Variants in TRIO observed in about 807,000 individuals in gnomAD.
TRIO encodes the protein trio Rho guanine nucleotide exchange factor, also known as triple functional domain protein.
TRIO carries 58 observed loss-of-function variants against 351.9 expected under a neutral mutation model. The ratio of observed to expected loss-of-function variants is 0.16; its 90% CI spans 0.13 to 0.21. The LOEUF is 0.21. Ranked by LOEUF, TRIO falls within the 10% of genes least tolerant of loss-of-function variation. The probability of loss-of-function intolerance (pLI) is 1.00; values close to 1 mark genes in which losing one functional copy is unlikely to be tolerated. For missense variants in TRIO, 3,201 were observed against 4,027.8 expected, an observed-to-expected ratio of 0.79 and a Z score of 5.56; for synonymous variants, 1,758 against 1,595.7, an observed-to-expected ratio of 1.10 and a Z score of -2.42.
intron 8 of TRIO, among the ~76,000 whole-genome samples, chr5:14,305,639 G>A (rs574734814): frequency 1.3e-5 from 2 of 152,216 alleles, no homozygotes; most frequent in African/African-American, 4.8e-5. Context: ...TGTCAAAGTT[G>A]TTGGGAAGAA....
At chr5:14,327,278 C>A (rs899017024) in intron 9 of TRIO, among the ~76,000 whole-genome samples, 167 of 152,306 alleles carry the variant, frequency 1.1e-3, no homozygotes, top group African/African-American at 3.7e-3. Flanking sequence ...GATTCTCCTG[C>A]CTCAGCCTCC....
At chr5:14,340,266 G>A (rs574632007) in intron 11 of TRIO, among the ~76,000 whole-genome samples, 82 of 151,986 alleles carry the variant, frequency 5.4e-4, no homozygotes, top group African/African-American at 1.8e-3. Flanking sequence ...GCGTGGTGGC[G>A]GGCGCCTGTA....
chr5:14,201,346 A>G (rs1244587096), intron 1 of TRIO, among the ~76,000 whole-genome samples: 4 of 152,218 alleles, frequency 2.6e-5, no homozygotes, highest in Non-Finnish European at 5.9e-5. Flanking sequence ...GTTTTACCTT[A>G]TATATAAAGT....
intron 34 of TRIO, among the ~76,000 whole-genome samples, chr5:14,453,317 A>C (rs557142390): frequency 6.6e-6 from 1 of 152,330 alleles, no homozygotes; most frequent in South Asian, 2.1e-4. Flanking sequence ...TTCTATTTTA[A>C]AAATAGAAAT....
rs572424182 is a variant in TRIO at position 14,166,048 on chromosome 5, C to T, written c.157+22166C>T. Among the ~76,000 whole-genome samples, 14 of 152,322 alleles carry T rather than the reference C, an allele frequency of 9.2e-5. No homozygotes were observed. In the South Asian group the frequency reaches 2.5e-3, roughly 27 times the overall value. On this transcript the variant is annotated intron_variant, in intron 1 of 56. Transcript: ENST00000344204. ...TTCTTCTTTGACCACTTAAGAGTGACGGTGTCACTCATGGCCATTGCCCAT... is the reference window on the plus strand; with the variant it reads ...TTCTTCTTTGACCACTTAAGAGTGATGGTGTCACTCATGGCCATTGCCCAT...
chr5:14,485,374 C>T (rs1444993799), intron 47 of TRIO, 128 bp downstream of exon 47: 4 of 946,768 alleles, frequency 4.2e-6, no homozygotes, highest in Non-Finnish European at 5.8e-6. Flanking sequence ...CAGGCACTGC[C>T]TAGATATTGC....
At chr5:14,451,086 A>G (rs971353763) in intron 34 of TRIO, among the ~76,000 whole-genome samples, 5 of 152,340 alleles carry the variant, frequency 3.3e-5, no homozygotes, top group African/African-American at 1.2e-4. Context: ...CGAACCACCA[A>G]AAGGGTAACT....
At chr5:14,376,362 A>C (rs1471718855) in intron 19 of TRIO, among the ~76,000 whole-genome samples, 1 of 152,232 alleles carries the variant, frequency 6.6e-6, no homozygotes, top group Non-Finnish European at 1.5e-5. Context: ...AAAGTGTACA[A>C]ATACATATGT....
intron 2 of TRIO, among the ~76,000 whole-genome samples, chr5:14,272,072 A>G (rs1340930729): frequency 1.3e-5 from 2 of 152,226 alleles, no homozygotes; most frequent in Non-Finnish European, 2.9e-5. Flanking sequence ...CTGGCTTACA[A>G]TACACTGAGT....
chr5:14,155,309 A>G (rs1788042012), intron 1 of TRIO, among the ~76,000 whole-genome samples: 1 of 152,226 alleles, frequency 6.6e-6, no homozygotes, highest in Admixed American at 6.5e-5. Flanking sequence ...AAATATGATG[A>G]TGTCCCTTAC....
At chr5:14,209,674 C>T (rs961208953) in intron 1 of TRIO, among the ~76,000 whole-genome samples, 2 of 152,142 alleles carry the variant, frequency 1.3e-5, no homozygotes, top group East Asian at 3.8e-4. Flanking sequence ...AGTTGAGCTC[C>T]GTGGTCTAGA....
At position 14,266,921 on chromosome 5, in the gene TRIO, A is replaced by G. The variant is rs190855174; in HGVS notation, c.158-3904A>G. Among the ~76,000 whole-genome samples the G allele has an allele frequency of 9.6e-3, 1,457 of 152,270 alleles. 8 individuals carry two copies. Among genetic ancestry groups the G allele is most frequent in the Non-Finnish European group, 0.015 (1,016 of 68,032 alleles). Reference sequence around the variant, plus strand: ...CCTGGGAAACATCTTCTGCACCTAGAGATAAGCCTCGACTGACTCCATTCT... The same window carrying G: ...CCTGGGAAACATCTTCTGCACCTAGGGATAAGCCTCGACTGACTCCATTCT... On this transcript the variant is annotated intron_variant, in intron 1 of 56. Coordinates refer to ENST00000344204, the MANE Select transcript of TRIO (RefSeq NM_007118.4).
At chr5:14,196,970 A>G (rs1300803710) in intron 1 of TRIO, among the ~76,000 whole-genome samples, 2 of 152,236 alleles carry the variant, frequency 1.3e-5, no homozygotes, top group East Asian at 1.9e-4. Context: ...TTGGTAGACC[A>G]TAGCTGTGGA....
At chr5:14,316,986 T>G (rs1369251711) in intron 9 of TRIO, among the ~76,000 whole-genome samples, 1 of 152,188 alleles carries the variant, frequency 6.6e-6, no homozygotes, top group African/African-American at 2.4e-5. Context: ...GAAGTTTTCT[T>G]CTAGAATCGG....
At chr5:14,483,270 A>G (rs1755666202) in intron 46 of TRIO, among the ~76,000 whole-genome samples, 1 of 152,220 alleles carries the variant, frequency 6.6e-6, no homozygotes, top group Non-Finnish European at 1.5e-5. Flanking sequence ...AGAGGGACAA[A>G]GAAAATAATT....
chr5:14,171,078 G>A (rs1190753373), intron 1 of TRIO, among the ~76,000 whole-genome samples: 1 of 151,926 alleles, frequency 6.6e-6, no homozygotes, highest in African/African-American at 2.4e-5. Flanking sequence ...GATATTTTGG[G>A]TGAACAGTTG....
chr5:14,423,239 C>A (rs933204136), intron 34 of TRIO, among the ~76,000 whole-genome samples: 1 of 152,230 alleles, frequency 6.6e-6, no homozygotes, highest in Non-Finnish European at 1.5e-5. Context: ...GGGCCTAGGC[C>A]TGGAGGCTGT....
intron 34 of TRIO, among the ~76,000 whole-genome samples, chr5:14,428,321 A>G (rs777531044): frequency 3.3e-4 from 50 of 152,220 alleles, no homozygotes; most frequent in Non-Finnish European, 6.3e-4. Flanking sequence ...TAATGCCTAG[A>G]TATTTCAAAC....
intron 1 of TRIO, among the ~76,000 whole-genome samples, chr5:14,174,948 T>C (rs1295900208): frequency 6.6e-6 from 1 of 152,256 alleles, no homozygotes; most frequent in Non-Finnish European, 1.5e-5. Flanking sequence ...ATGTTGTTCA[T>C]GCTCATCACT....
Sources: gnomAD v4.1 joint callset for allele counts (sites outside exome capture counted in the v4.1 genomes callset) on GRCh38, gnomAD v4.1.1 for gene constraint, MANE v1.5 for transcripts, NCBI Gene and HGNC (gene_info 2026-07-23, HGNC 2026-07-21) for gene names.